PHKA2: variants seen among roughly 807,000 people sequenced by gnomAD.
PHKA2 encodes phosphorylase b kinase regulatory subunit alpha, liver isoform.
PHKA2 carries 31 observed loss-of-function variants against 102.0 expected under a neutral mutation model. The ratio of observed to expected loss-of-function variants is 0.30; its 90% CI spans 0.23 to 0.41. The LOEUF (loss-of-function observed/expected upper bound fraction) is 0.41, where lower values mean the gene tolerates loss of function less well. PHKA2 is among the 10% of genes least tolerant of loss of function. The pLI is 1.00. For missense variants in PHKA2, 858 were observed against 1,023.1 expected (o/e 0.84, Z 2.20); for synonymous variants, 455 against 416.2 (o/e 1.09, Z -1.13).
rs370965746 is a variant in PHKA2, at chrX:18,924,074, C to A, written c.1775G>T (p.Gly592Val). 4 of 1,200,004 alleles carry A rather than the reference C, an allele frequency of 3.3e-6. No homozygotes were observed. The highest frequency in any genetic ancestry group is 4.5e-6 in the Non-Finnish European group (4 of 884,546). The change falls in exon 17 of 33, where the codon GGA becomes GTA. Residue 592 changes from glycine to valine, a missense_variant. Physicochemically the swap from Gly to Val is moderately radical, Grantham distance 109 (BLOSUM62 -3). This residue lies in a region of PHKA2 where 671 missense variants were observed against 745.2 expected (regional missense o/e 0.90). Coordinates refer to ENST00000379942, the MANE Select transcript of PHKA2 (RefSeq NM_000292.3). ...VLSTIRKLED[G>V]YFGGARVKLG... ...AAATTACCTGGCTCCTCCAAAATAT[C>A]CATCCTCTAGTTTTCTAATTGTGGA...
intron 8 of PHKA2, among the ~76,000 whole-genome samples, chrX:18,940,819 C>T (rs908624102): frequency 8.1e-5 from 9 of 111,589 alleles, no homozygotes; most frequent in African/African-American, 1.3e-4. Flanking sequence ...GCCTAGAACC[C>T]GCTCTTCTTG....
At position 18,931,654 on chromosome X, in the gene PHKA2, G is replaced by A. The variant is rs191688140; in HGVS notation, c.1232C>T (p.Ser411Leu). The A allele has an allele frequency of 1.7e-4, 202 of 1,195,068 alleles. No homozygotes were observed. In the East Asian group the frequency reaches 5.0e-3, roughly 29 times the overall value. ...CTAAGCCCCTACCTCTGCCAACAGC[G>A]AGCTGAGGATGTACAAGGATTGGCC... The part of the protein sequence containing the change: ...LWGQSLYILS[S>L]LLAEGFLAAG... The change falls in exon 12 of 33, where the codon TCG (serine) becomes TTG (leucine). Residue 411 changes from serine to leucine, a missense_variant. Physicochemically the swap from Ser to Leu is moderately radical, Grantham distance 145. This residue lies in a region of PHKA2 where 671 missense variants were observed against 745.2 expected (regional missense o/e 0.90). Transcript: ENST00000379942.
At chrX:18,982,932 C>A (rs1304785525) in intron 1 of PHKA2, among the ~76,000 whole-genome samples, 1 of 112,274 alleles carries the variant, frequency 8.9e-6, no homozygotes, top group Non-Finnish European at 1.9e-5. Flanking sequence ...ATTCTTGTAA[C>A]CCCAGCACTT....
chrX:18,964,995 T>A (rs1420825015), intron 1 of PHKA2, among the ~76,000 whole-genome samples: 1 of 112,423 alleles, frequency 8.9e-6, no homozygotes, highest in African/African-American at 3.2e-5. Context: ...CTGCAAGCTG[T>A]CCTGGTCCGA....
At chrX:18,925,266 T>C (rs750718118) in intron 15 of PHKA2, among the ~76,000 whole-genome samples, 1 of 112,542 alleles carries the variant, frequency 8.9e-6, no homozygotes, top group Non-Finnish European at 1.9e-5. Context: ...AGCTCTCCAG[T>C]AAGTTCCATG....
At chrX:18,924,793 C>A (rs994770762) in intron 15 of PHKA2, among the ~76,000 whole-genome samples, 9 of 111,896 alleles carry the variant, frequency 8.0e-5, no homozygotes. Flanking sequence ...AAGCATCTTG[C>A]CCAACACTGC....
At chrX:18,905,074 G>A (rs2047780291) in intron 26 of PHKA2, among the ~76,000 whole-genome samples, 1 of 111,802 alleles carries the variant, frequency 8.9e-6, no homozygotes, top group African/African-American at 3.2e-5. Context: ...AGGGTGATGT[G>A]AGGCCGGGTT....
At chrX:18,981,707 G>GC (rs2049173060) in intron 1 of PHKA2, among the ~76,000 whole-genome samples, 3 of 111,336 alleles carry the variant, frequency 2.7e-5, no homozygotes. Flanking sequence ...CGCACCATGA[G>GC]CCAGAGTACT....
At chrX:18,896,043 A>G (rs1418498045) in intron 30 of PHKA2, 3 of 112,160 alleles carry the variant, frequency 2.7e-5, no homozygotes, top group Non-Finnish European at 5.6e-5. Context: ...CATGAAGCAC[A>G]GGGGCCCCTG....
chrX:18,939,843 A>C (rs1032220380), intron 9 of PHKA2, 152 bp downstream of exon 9: 2 of 532,209 alleles, frequency 3.8e-6, no homozygotes, highest in African/African-American at 4.6e-5. Context: ...ATACTATGCT[A>C]TTGCCTGGCT....
In PHKA2 at chrX:18,929,269, C is replaced by T. The variant is rs865796082; in HGVS notation, c.1283G>A (p.Arg428Lys). The change falls in exon 13 of 33, where the codon AGA becomes AAA. Residue 428 changes from arginine (R) to lysine (K), a missense_variant. By Grantham distance (26) the Arg-to-Lys change is conservative. Transcript: ENST00000379942. ...LAAGEIDPLN[R>K]RFSTSVKPDV... ...AGGTTTGACTGAAGTGGAAAATCTT[C>T]TATTTAAGGGATCGATTTCACCAGC... The T allele has an allele frequency of 2.6e-6, 3 of 1,173,838 alleles. No individual in the cohort carries two copies. The highest frequency in any genetic ancestry group is 3.7e-5 in the South Asian group (2 of 53,454).
chrX:18,920,894 G>A (rs975765036), intron 17 of PHKA2, among the ~76,000 whole-genome samples: 2 of 112,413 alleles, frequency 1.8e-5, no homozygotes, highest in Admixed American at 9.4e-5. Flanking sequence ...GGAGCAGAAA[G>A]CAATGGATCC....
chrX:18,925,731 A>T lies in PHKA2; in HGVS notation c.1506T>A (p.Ile502=). ...ATAGTTTAGAGGTTCCAAGGACACC[A>T]ATATGTCGATACGGTCGCCCACTCA... ...MNLSGRPYRH[I]GVLGTSKLYV... Residue 502 remains isoleucine, a synonymous_variant, in exon 15 of 33, where the codon ATT becomes ATA. Transcript: ENST00000379942. 8.3e-7 allele frequency: 1 copy of T among 1,200,977 alleles called. No homozygotes were observed. The highest frequency in any genetic ancestry group is 1.1e-6 in the Non-Finnish European group (1 of 885,651).
chrX:18,947,571 T>C (rs1181486512), intron 5 of PHKA2, among the ~76,000 whole-genome samples: 2 of 112,381 alleles, frequency 1.8e-5, no homozygotes, highest in Non-Finnish European at 3.8e-5. Context: ...CCAGCACATA[T>C]GCATCCCGTA....
intron 28 of PHKA2, among the ~76,000 whole-genome samples, chrX:18,899,638 G>A (rs1233788277): frequency 4.5e-5 from 5 of 111,582 alleles, no homozygotes; most frequent in Non-Finnish European, 9.4e-5. Context: ...CTAACATGCT[G>A]CACCTAACAT....
In PHKA2 at chrX:18,895,189, G is replaced by A. The variant is rs183285231; in HGVS notation, c.3285C>T (p.Cys1095=). ...YQRVWKILQK[C]HGLSIDGYVL... ...CATAACCATCGATGGAGAGACCGTG[G>A]CACTGGAGGCAGAATAGAGCGCATT... The change falls in exon 31 of 33, where the codon TGC becomes TGT. Residue 1095 remains cysteine, a splice_region_variant and synonymous_variant. Coordinates refer to ENST00000379942, the MANE Select transcript of PHKA2 (RefSeq NM_000292.3). 130 of 1,207,742 alleles carry A rather than the reference G, an allele frequency of 1.1e-4. No individual in the cohort carries two copies. The East Asian group carries it at 3.4e-3, about 32-fold the overall frequency.
chrX:18,929,798 T>C (rs1281406269), intron 12 of PHKA2, among the ~76,000 whole-genome samples: 3 of 112,102 alleles, frequency 2.7e-5, no homozygotes, highest in Non-Finnish European at 5.6e-5. Flanking sequence ...ACTAGAATTC[T>C]TCTTCCCCAA....
chrX:18,903,760 C>A (rs1050173915), intron 26 of PHKA2, among the ~76,000 whole-genome samples: 2 of 112,017 alleles, frequency 1.8e-5, no homozygotes, highest in Non-Finnish European at 3.8e-5. Flanking sequence ...GGGCTCAAAC[C>A]GGTCCCTAGC....
At chrX:18,905,642 T>C in intron 26 of PHKA2, 116 bp downstream of exon 26, 2 of 577,529 alleles carry the variant, frequency 3.5e-6, no homozygotes. Context: ...GTCCATCTCC[T>C]TCAGGTAGGA....
Sources: allele counts gnomAD v4.1 joint callset (sites outside exome capture counted in the v4.1 genomes callset), GRCh38; gene constraint gnomAD v4.1.1; regional missense constraint gnomAD v4.1.1; transcripts MANE v1.5; gene names NCBI Gene and HGNC (gene_info 2026-07-23, HGNC 2026-07-21).